The following UBE2H variants were observed in gnomAD, a reference collection of about 807,000 sequenced individuals.
UBE2H encodes ubiquitin-conjugating enzyme E2 H.
Under a neutral mutation model 29.0 loss-of-function variants are expected in UBE2H, and 3 were observed. The ratio of observed to expected loss-of-function variants is 0.10; its 90% CI spans 0.05 to 0.27. The LOEUF is 0.27. Ranked by LOEUF, UBE2H falls within the 10% of genes least tolerant of loss-of-function variation. UBE2H has a pLI of 1.00. For synonymous variants in UBE2H, 69 were observed against 82.9 expected (o/e 0.83, Z 0.91); for missense variants, 68 against 228.2 (o/e 0.30, Z 4.52).
At chr7:129,874,760 T>C (rs1806114011) in intron 3 of UBE2H, among the ~76,000 whole-genome samples, 1 of 149,914 alleles carries the variant, frequency 6.7e-6, no homozygotes, top group East Asian at 2.0e-4. Flanking sequence ...AGTGGAAGAG[T>C]CAGGCAGAAA....
chr7:129,914,310 G>C (rs1225026489), intron 1 of UBE2H, among the ~76,000 whole-genome samples: 2 of 152,082 alleles, frequency 1.3e-5, no homozygotes, highest in African/African-American at 2.4e-5. Flanking sequence ...TGGGACTACA[G>C]GAGCGCCCCA....
At chr7:129,896,790 CTAAG>C (rs1206724618) in intron 1 of UBE2H, among the ~76,000 whole-genome samples, 1 of 152,140 alleles carries the variant, frequency 6.6e-6, no homozygotes, top group Non-Finnish European at 1.5e-5. Flanking sequence ...TAGCATTTAG[CTAAG>C]TCAGTGCACA....
At chr7:129,901,581 T>G (rs1196025809) in intron 1 of UBE2H, among the ~76,000 whole-genome samples, 1 of 152,090 alleles carries the variant, frequency 6.6e-6, no homozygotes, top group East Asian at 1.9e-4. Context: ...CTCAAGAATA[T>G]CTGATATTTC....
chr7:129,837,103 T>C (rs752889028), intron 6 of UBE2H, among the ~76,000 whole-genome samples: 1 of 152,116 alleles, frequency 6.6e-6, no homozygotes, highest in Non-Finnish European at 1.5e-5. Context: ...GCCAACTAAA[T>C]ATGAACACTG....
chr7:129,875,864 C>T (rs2116360674), intron 3 of UBE2H, among the ~76,000 whole-genome samples: 1 of 152,266 alleles, frequency 6.6e-6, no homozygotes, highest in East Asian at 1.9e-4. Flanking sequence ...GTCTCTGCAG[C>T]AATTTCTTTG....
intron 1 of UBE2H, among the ~76,000 whole-genome samples, chr7:129,892,861 T>C (rs903829293): frequency 2.7e-5 from 4 of 149,972 alleles, no homozygotes; most frequent in African/African-American, 9.8e-5. Context: ...AAAAAAAGGG[T>C]AAATATGTCC....
intron 5 of UBE2H, among the ~76,000 whole-genome samples, chr7:129,844,588 C>T (rs1040965750): frequency 6.6e-6 from 1 of 152,076 alleles, no homozygotes; most frequent in Non-Finnish European, 1.5e-5. Context: ...GAGCCAGATA[C>T]AGTTGACCTA....
intron 3 of UBE2H, among the ~76,000 whole-genome samples, chr7:129,866,669 C>T (rs1210700672): frequency 1.3e-5 from 2 of 152,166 alleles, no homozygotes; most frequent in Non-Finnish European, 2.9e-5. Context: ...CTGTTTTGAT[C>T]ATTACGTATT....
chr7:129,891,759 C>A (rs1454740031), intron 1 of UBE2H, among the ~76,000 whole-genome samples: 1 of 151,440 alleles, frequency 6.6e-6, no homozygotes, highest in South Asian at 2.1e-4. Flanking sequence ...CGAGATCATG[C>A]CATTGTACTC....
At chr7:129,943,220 C>G (rs7789191) in intron 1 of UBE2H, among the ~76,000 whole-genome samples, 38,406 of 151,770 alleles carry the variant, frequency 0.25, 5,058 homozygotes, top group African/African-American at 0.31. Context: ...CCAGGCTGGA[C>G]TGCAGTGGCA....
chr7:129,916,756 C>T (rs1212825225), intron 1 of UBE2H, among the ~76,000 whole-genome samples: 5 of 152,078 alleles, frequency 3.3e-5, no homozygotes, highest in South Asian at 2.1e-4. Flanking sequence ...GTTCCATTTG[C>T]GGCTGGGAGC....
chr7:129,870,989 A>T (rs961056667), intron 3 of UBE2H, among the ~76,000 whole-genome samples: 2 of 152,072 alleles, frequency 1.3e-5, no homozygotes, highest in African/African-American at 4.8e-5. Flanking sequence ...TTTTGTTTTT[A>T]ATCTTTTTAA....
At chr7:129,951,547 G>C (rs1049967258) in intron 1 of UBE2H, among the ~76,000 whole-genome samples, 37 of 152,246 alleles carry the variant, frequency 2.4e-4, no homozygotes, top group African/African-American at 7.7e-4. Flanking sequence ...AGCTGGTCCT[G>C]AAATAATCAG....
chr7:129,912,195 T>C (rs1045036936), intron 1 of UBE2H, among the ~76,000 whole-genome samples: 7 of 152,186 alleles, frequency 4.6e-5, no homozygotes, highest in African/African-American at 1.7e-4. Context: ...TGGCTGCTTC[T>C]GTGCTGCAAC....
At chr7:129,851,259 G>A (rs965606796) in intron 5 of UBE2H, among the ~76,000 whole-genome samples, 1 of 152,158 alleles carries the variant, frequency 6.6e-6, no homozygotes, top group Admixed American at 6.5e-5. Flanking sequence ...CTATTTGGGT[G>A]TTTTTTAGAG....
chr7:129,930,459 C>T (rs1584793248), intron 1 of UBE2H, among the ~76,000 whole-genome samples: 1 of 151,288 alleles, frequency 6.6e-6, no homozygotes, highest in African/African-American at 2.4e-5. Context: ...CCACCTCATG[C>T]GGTCTACATT....
chr7:129,874,035 G>A (rs1387231506), intron 3 of UBE2H, among the ~76,000 whole-genome samples: 1 of 152,152 alleles, frequency 6.6e-6, no homozygotes, highest in African/African-American at 2.4e-5. Flanking sequence ...AAGTATAAAT[G>A]ATGACAGGGT....
intron 6 of UBE2H, among the ~76,000 whole-genome samples, chr7:129,837,176 T>C (rs1340496727): frequency 1.3e-5 from 2 of 152,164 alleles, no homozygotes; most frequent in Non-Finnish European, 2.9e-5. Flanking sequence ...CAGCAGCAGC[T>C]TGGGAGAGAG....
At chr7:129,850,705 C>T (rs1417620495) in intron 5 of UBE2H, among the ~76,000 whole-genome samples, 2 of 151,896 alleles carry the variant, frequency 1.3e-5, no homozygotes, top group Non-Finnish European at 2.9e-5. Context: ...ATCCCAGCTA[C>T]TTGGGAGGCT....
Sources: allele counts gnomAD v4.1 joint callset (sites outside exome capture counted in the v4.1 genomes callset), GRCh38; gene constraint gnomAD v4.1.1; transcripts MANE v1.5; gene names NCBI Gene and HGNC (gene_info 2026-07-23, HGNC 2026-07-21).